Variants in SPECC1L observed in about 807,000 individuals in gnomAD.
SPECC1L encodes cytospin-A.
Under a neutral mutation model 116.8 loss-of-function variants are expected in SPECC1L, and 40 were observed. The observed-to-expected ratio is 0.34, with a 90% confidence interval of 0.27 to 0.45. The LOEUF (loss-of-function observed/expected upper bound fraction) is 0.45. Ranked by LOEUF, SPECC1L falls within the 20% of genes least tolerant of loss-of-function variation. SPECC1L has a pLI of 1.00. For synonymous variants in SPECC1L, 504 were observed against 500.6 expected, an observed-to-expected ratio of 1.01 and a Z score of -0.09; for missense variants, 1,110 against 1,373.6, an observed-to-expected ratio of 0.81 and a Z score of 3.03.
chr22:24,342,420 C>T (rs2041195332), intron 10 of SPECC1L, among the ~76,000 whole-genome samples: 1 of 152,062 alleles, frequency 6.6e-6, no homozygotes, highest in African/African-American at 2.4e-5. Context: ...CCTGTAATCC[C>T]AGCACTTTGG....
In SPECC1L at chr22:24,354,073, G is replaced by A. The variant is rs565994276; in HGVS notation, c.2743+6897G>A. Among the ~76,000 whole-genome samples, 11 of 152,274 alleles carry A rather than the reference G, an allele frequency of 7.2e-5. No individual in the cohort carries two copies. In the South Asian group the frequency reaches 2.1e-3, roughly 29 times the overall value. ...AGCAGGAATGTCACATGAAGAAAGG[G>A]GGAGCATGAGAGAGAGGAGAGAGGT... On this transcript the variant is annotated intron_variant, in intron 11 of 16. Coordinates refer to ENST00000314328, the MANE Select transcript of SPECC1L (RefSeq NM_015330.6).
At chr22:24,285,729 C>T (rs978146550) in intron 2 of SPECC1L, among the ~76,000 whole-genome samples, 4 of 152,052 alleles carry the variant, frequency 2.6e-5, no homozygotes, top group African/African-American at 7.2e-5. Context: ...CTGCGACCTC[C>T]GCTTCCTGGG....
intron 14 of SPECC1L, among the ~76,000 whole-genome samples, chr22:24,399,577 A>C (rs891106961): frequency 6.6e-6 from 1 of 152,194 alleles, no homozygotes; most frequent in African/African-American, 2.4e-5. Context: ...TTTCAAAAAA[A>C]ACAAAAAAAA....
At chr22:24,330,228 GA>G (rs2040912441) in intron 7 of SPECC1L, 27 bp from the exon 8 acceptor site, 1 of 1,610,884 alleles carries the variant, frequency 6.2e-7, no homozygotes, top group Non-Finnish European at 8.5e-7. Context: ...CTCTCTTTTG[GA>G]AATAAAAAGT....
rs746031885 is a variant in SPECC1L, at chr22:24,417,651, T to A, written c.*3028T>A. On this transcript the variant is annotated 3_prime_UTR_variant, in exon 17 of 17. Transcript: ENST00000314328. ...TGTTTGTTTTGAGGCATGTATCATC[T>A]TGGAAATAATTGTCAGGATGTATAA... is the stretch of plus-strand genomic sequence containing the variant. 2.6e-5 allele frequency: 4 copies of A among 152,226 alleles called. No homozygotes were observed. Among genetic ancestry groups the A allele is most frequent in the Non-Finnish European group, 5.9e-5 (4 of 68,052 alleles). The allele number at this position is 152,226 out of a possible 1,614,324, so 9.4% of individuals were successfully genotyped here.
chr22:24,301,344 C>T (rs1040923766), intron 2 of SPECC1L, among the ~76,000 whole-genome samples: 1 of 152,178 alleles, frequency 6.6e-6, no homozygotes, highest in African/African-American at 2.4e-5. Context: ...TTTACGTGGT[C>T]TTCTTTTATT....
At chr22:24,290,714 T>C (rs1227300536) in intron 2 of SPECC1L, among the ~76,000 whole-genome samples, 3 of 152,220 alleles carry the variant, frequency 2.0e-5, no homozygotes, top group Admixed American at 2.0e-4. Flanking sequence ...ACTTTCCCTC[T>C]TAGTAGTCCT....
chr22:24,350,992 C>T (rs1020969188), intron 11 of SPECC1L, among the ~76,000 whole-genome samples: 6 of 152,178 alleles, frequency 3.9e-5, no homozygotes, highest in Non-Finnish European at 7.3e-5. Flanking sequence ...TCCAGGTGGC[C>T]TCTGAGGAGA....
intron 3 of SPECC1L, among the ~76,000 whole-genome samples, chr22:24,307,006 G>T (rs558386205): frequency 5.9e-5 from 9 of 152,258 alleles, no homozygotes; most frequent in African/African-American, 2.2e-4. Flanking sequence ...AGGCTCAATA[G>T]TGTTCATTGT....
intron 9 of SPECC1L, among the ~76,000 whole-genome samples, chr22:24,337,071 T>C (rs1300235192): frequency 6.6e-6 from 1 of 152,192 alleles, no homozygotes; most frequent in Non-Finnish European, 1.5e-5. Context: ...TTTGACTTGC[T>C]TATGATGGGT....
At chr22:24,411,787 GTCACA>G in intron 15 of SPECC1L, 83 bp downstream of exon 15, 5 of 1,139,034 alleles carry the variant, frequency 4.4e-6, no homozygotes, top group Non-Finnish European at 5.3e-6. Flanking sequence ...GCCTCAGCAG[GTCACA>G]TGCCACAGCG....
At chr22:24,373,556 A>G (rs1036245280) in intron 14 of SPECC1L, among the ~76,000 whole-genome samples, 12 of 152,222 alleles carry the variant, frequency 7.9e-5, no homozygotes, top group Non-Finnish European at 1.3e-4. Flanking sequence ...TGGTGCTGGG[A>G]AAACTGGCTA....
intron 6 of SPECC1L, among the ~76,000 whole-genome samples, chr22:24,328,115 A>C (rs1277008777): frequency 2.0e-5 from 3 of 152,126 alleles, no homozygotes; most frequent in Non-Finnish European, 4.4e-5. Flanking sequence ...TTTAGAGTAG[A>C]ACCTCCAAAG....
chr22:24,405,190 G>A (rs1403409013), intron 14 of SPECC1L, among the ~76,000 whole-genome samples: 1 of 152,146 alleles, frequency 6.6e-6, no homozygotes, highest in East Asian at 1.9e-4. Flanking sequence ...GTTGTGTTTT[G>A]AGTGAGAACT....
intron 1 of SPECC1L, among the ~76,000 whole-genome samples, chr22:24,271,920 A>G (rs1223976121): frequency 6.6e-6 from 1 of 152,226 alleles, no homozygotes; most frequent in Non-Finnish European, 1.5e-5. Flanking sequence ...CAAGCCTTTA[A>G]AAAATGGCAT....
At chr22:24,274,821 G>T (rs905344945) in intron 1 of SPECC1L, among the ~76,000 whole-genome samples, 1 of 152,144 alleles carries the variant, frequency 6.6e-6, no homozygotes, top group South Asian at 2.1e-4. Flanking sequence ...TCAATACTGG[G>T]CTTTGACCCC....
At chr22:24,386,721 A>G (rs1372535404) in intron 14 of SPECC1L, among the ~76,000 whole-genome samples, 1 of 152,044 alleles carries the variant, frequency 6.6e-6, no homozygotes, top group Admixed American at 6.5e-5. Context: ...CTCCTGCCTC[A>G]GCCTCCCAAG....
intron 15 of SPECC1L, among the ~76,000 whole-genome samples, 195 bp downstream of exon 15, chr22:24,411,899 G>T (rs1420685956): frequency 2.6e-5 from 4 of 152,250 alleles, no homozygotes. Flanking sequence ...GGAGTATTTG[G>T]TTGGTTCAGA....
At chr22:24,369,698 C>G (rs1000002916) in intron 14 of SPECC1L, among the ~76,000 whole-genome samples, 3 of 152,226 alleles carry the variant, frequency 2.0e-5, no homozygotes, top group African/African-American at 7.2e-5. Context: ...AACACATTCT[C>G]AAAGTCCAGC....
Sources: gnomAD v4.1 joint callset for allele counts (sites outside exome capture counted in the v4.1 genomes callset) on GRCh38, gnomAD v4.1.1 for gene constraint, MANE v1.5 for transcripts, NCBI Gene and HGNC (gene_info 2026-07-23, HGNC 2026-07-21) for gene names.